ZNF385D: variants seen among roughly 807,000 people sequenced by gnomAD.
The protein encoded by ZNF385D is zinc finger protein 385D, also known as zinc finger protein 659.
ZNF385D carries 15 observed loss-of-function variants against 35.8 expected under a neutral mutation model. The ratio of observed to expected loss-of-function variants is 0.42; its 90% CI spans 0.28 to 0.64. The LOEUF (loss-of-function observed/expected upper bound fraction) is 0.64, where lower values mean the gene tolerates loss of function less well. Among genes scored for constraint, ZNF385D ranks in the 30% least tolerant of loss-of-function variants. The probability of loss-of-function intolerance (pLI) is 0.23; values close to 1 mark genes in which losing one functional copy is unlikely to be tolerated. For synonymous variants in ZNF385D, 212 were observed against 186.8 expected (o/e 1.13, Z -1.10); for missense variants, 474 against 494.6 (o/e 0.96, Z 0.39).
intron 3 of ZNF385D, among the ~76,000 whole-genome samples, chr3:22,002,601 C>A (rs944859650): frequency 6.6e-6 from 1 of 152,030 alleles, no homozygotes; most frequent in Non-Finnish European, 1.5e-5. Context: ...ATTCTGACAC[C>A]AAAACCAGAC....
chr3:22,186,302 A>C (rs1161944757), intron 2 of ZNF385D, among the ~76,000 whole-genome samples: 2 of 152,184 alleles, frequency 1.3e-5, no homozygotes. Context: ...GTTCAGAAGT[A>C]ATTTGACGTA....
chr3:22,220,123 G>T (rs1344152739), intron 2 of ZNF385D, among the ~76,000 whole-genome samples: 1 of 150,736 alleles, frequency 6.6e-6, no homozygotes, highest in Non-Finnish European at 1.5e-5. Context: ...GATTGCAGTG[G>T]TAGGATCATG....
intron 2 of ZNF385D, among the ~76,000 whole-genome samples, chr3:22,332,750 C>T (rs1184895271): frequency 6.6e-6 from 1 of 152,122 alleles, no homozygotes; most frequent in South Asian, 2.1e-4. Flanking sequence ...ATGAGAAAAA[C>T]CATTATCCTG....
intron 2 of ZNF385D, among the ~76,000 whole-genome samples, chr3:21,662,921 G>A (rs946754827): frequency 2.0e-5 from 3 of 152,074 alleles, no homozygotes; most frequent in African/African-American, 4.8e-5. Flanking sequence ...CATTCTAAAC[G>A]ATTAACCCAC....
In ZNF385D at chr3:22,033,283, TC is replaced by T. The variant is rs200486910; in HGVS notation, c.325+135533del. ...CTGGCATGGTGGCGCGTGCCTGTCA[TC>T]CCAGCTACTCTGGAGGCTGAGGCAT... On this transcript the variant is annotated intron_variant, in intron 3 of 5. Transcript: ENST00000494108. Among the ~76,000 whole-genome samples, 644 of 151,868 alleles carry T rather than the reference TC, an allele frequency of 4.2e-3. 8 individuals carry two copies. Among genetic ancestry groups the T allele is most frequent in the East Asian group, 0.022 (114 of 5,158 alleles).
upstream of ZNF385D, among the ~76,000 whole-genome samples, chr3:21,753,789 T>TGTGTGTGTG (rs201139989): frequency 2.4e-5 from 3 of 124,620 alleles, no homozygotes; most frequent in East Asian, 4.0e-4. Flanking sequence ...GTTGTTGTTG[T>TGTGTGTGTG]TGTGTGTGTG....
At chr3:22,283,762 C>A (rs900220932) in intron 2 of ZNF385D, among the ~76,000 whole-genome samples, 1 of 152,094 alleles carries the variant, frequency 6.6e-6, no homozygotes, top group African/African-American at 2.4e-5. Flanking sequence ...ACAGTGATCA[C>A]CCAATACATT....
At chr3:21,875,779 G>T (rs1378901992) in intron 3 of ZNF385D, among the ~76,000 whole-genome samples, 2 of 151,982 alleles carry the variant, frequency 1.3e-5, no homozygotes, top group African/African-American at 4.8e-5. Context: ...CATCTTCATT[G>T]TGATCATCAT....
chr3:21,708,820 A>C (rs2067997687), intron 1 of ZNF385D, among the ~76,000 whole-genome samples: 1 of 151,874 alleles, frequency 6.6e-6, no homozygotes, highest in Admixed American at 6.6e-5. Context: ...AATCTGTTTA[A>C]TTAAGCCAAT....
At chr3:22,170,875 G>A (rs1694368885) in intron 2 of ZNF385D, among the ~76,000 whole-genome samples, 1 of 152,100 alleles carries the variant, frequency 6.6e-6, no homozygotes, top group South Asian at 2.1e-4. Context: ...ATCACAATAT[G>A]CATAGCCATT....
In ZNF385D at chr3:22,030,278, T is replaced by TAC. The variant is rs1189254376; in HGVS notation, c.325+138538_325+138539insGT. ...ATTCATATATATATATATATATATA[T>TAC]ATATATATATATATATATATATATC... On this transcript the variant is annotated intron_variant, in intron 3 of 5. Coordinates refer to the ZNF385D transcript ENST00000494108. Among the ~76,000 whole-genome samples the TAC allele has an allele frequency of 1.0e-3, 112 of 110,426 alleles. 3 individuals are homozygous for TAC. The highest frequency in any genetic ancestry group is 4.6e-3 in the Middle Eastern group (1 of 218). The allele number at this position is 110,426 out of a possible 152,430, so 72.4% of individuals were successfully genotyped here. A position where few individuals can be genotyped will look rare whatever the true frequency, so the allele number is the denominator to read the frequency against.
intron 3 of ZNF385D, among the ~76,000 whole-genome samples, chr3:22,007,910 TTTTC>T (rs200080697): frequency 0.013 from 1,975 of 151,952 alleles, 19 homozygotes; most frequent in Non-Finnish European, 0.021. Flanking sequence ...TTTATCAATC[TTTTC>T]TTTATCACCT....
At chr3:21,473,062 T>C (rs1245817910) in intron 4 of ZNF385D, among the ~76,000 whole-genome samples, 1 of 152,144 alleles carries the variant, frequency 6.6e-6, no homozygotes, top group Non-Finnish European at 1.5e-5. Context: ...TTCAATCACC[T>C]TGATTTCACT....
At chr3:21,905,689 A>AATAT (rs4044583) in intron 3 of ZNF385D, among the ~76,000 whole-genome samples, 10,575 of 148,716 alleles carry the variant, frequency 0.071, 445 homozygotes, top group Middle Eastern at 0.12. Context: ...CATCTGTGGT[A>AATAT]ATATATATAT....
At chr3:21,897,181 A>G (rs950029177) in intron 3 of ZNF385D, among the ~76,000 whole-genome samples, 3 of 152,140 alleles carry the variant, frequency 2.0e-5, no homozygotes, top group African/African-American at 7.2e-5. Flanking sequence ...TACCTGAGAT[A>G]AGAATGCTTA....
intron 3 of ZNF385D, among the ~76,000 whole-genome samples, chr3:21,795,220 C>G (rs948510631): frequency 6.6e-6 from 1 of 152,198 alleles, no homozygotes; most frequent in African/African-American, 2.4e-5. Context: ...GAAAAGCCAT[C>G]TAAGTCTTTT....
At chr3:21,770,192 C>G (rs2071016661) in intron 3 of ZNF385D, among the ~76,000 whole-genome samples, 1 of 152,086 alleles carries the variant, frequency 6.6e-6, no homozygotes, top group Admixed American at 6.6e-5. Context: ...GACTTCATGT[C>G]TAAAACACCA....
At chr3:22,241,690 C>A (rs1009974150) in intron 2 of ZNF385D, among the ~76,000 whole-genome samples, 9 of 150,634 alleles carry the variant, frequency 6.0e-5, no homozygotes, top group Admixed American at 2.0e-4. Context: ...GGAGAGGAGG[C>A]AAGAATGCTT....
intron 1 of ZNF385D, among the ~76,000 whole-genome samples, chr3:21,666,802 G>T (rs2066421379): frequency 6.6e-6 from 1 of 152,162 alleles, no homozygotes; most frequent in East Asian, 1.9e-4. Context: ...GTAAGGCCAG[G>T]TGTGGTGGCT....
Sources: allele counts gnomAD v4.1 joint callset (sites outside exome capture counted in the v4.1 genomes callset), GRCh38; gene constraint gnomAD v4.1.1; transcripts MANE v1.5; gene names NCBI Gene and HGNC (gene_info 2026-07-23, HGNC 2026-07-21).